The following SDK1 variants were observed in gnomAD, a reference collection of about 807,000 sequenced individuals.
The protein encoded by SDK1 is protein sidekick-1.
In SDK1, 157 loss-of-function variants were observed where a neutral mutation model predicts 245.5. The ratio of observed to expected loss-of-function variants is 0.64; its 90% CI spans 0.56 to 0.73. The LOEUF is 0.73. Among genes scored for constraint, SDK1 ranks in the 30% least tolerant of loss-of-function variants. The pLI, the probability that SDK1 is intolerant of heterozygous loss-of-function variation, is 0.00. For synonymous variants in SDK1, 1,647 were observed against 1,278.5 expected (o/e 1.29, Z -6.15); for missense variants, 3,583 against 3,002.3 (o/e 1.19, Z -4.52).
At chr7:3,346,469 C>T (rs1355201227) in intron 1 of SDK1, among the ~76,000 whole-genome samples, 1 of 152,068 alleles carries the variant, frequency 6.6e-6, no homozygotes, top group Non-Finnish European at 1.5e-5. Flanking sequence ...GTGTGCTGTG[C>T]TTTCTGGTGC....
intron 1 of SDK1, among the ~76,000 whole-genome samples, chr7:3,308,388 G>C (rs185086241): frequency 1.1e-3 from 170 of 152,226 alleles, no homozygotes; most frequent in African/African-American, 3.7e-3. Flanking sequence ...TGTTATGTTG[G>C]TTTAATTGTC....
intron 17 of SDK1, among the ~76,000 whole-genome samples, chr7:4,025,073 A>G (rs1456829201): frequency 6.6e-6 from 1 of 152,042 alleles, no homozygotes; most frequent in Non-Finnish European, 1.5e-5. Context: ...ATGGAACAAT[A>G]GTGACTCTCC....
intron 35 of SDK1, among the ~76,000 whole-genome samples, chr7:4,192,238 G>A (rs751113681): frequency 1.3e-5 from 2 of 152,166 alleles, no homozygotes; most frequent in African/African-American, 4.8e-5. Flanking sequence ...CTCACTTTGC[G>A]TCTCTGTGAC....
At chr7:4,261,788 C>CT (rs1788027868) in intron 44 of SDK1, among the ~76,000 whole-genome samples, 1 of 151,838 alleles carries the variant, frequency 6.6e-6, no homozygotes, top group Non-Finnish European at 1.5e-5. Context: ...CTGCCTGACC[C>CT]CTGTGAGAGA....
intron 4 of SDK1, among the ~76,000 whole-genome samples, chr7:3,677,930 C>T (rs1007157200): frequency 6.6e-6 from 1 of 152,100 alleles, no homozygotes; most frequent in Non-Finnish European, 1.5e-5. Flanking sequence ...TAAAGAACCC[C>T]TACAACTCAA....
At chr7:3,432,408 C>G (rs1340644344) in intron 1 of SDK1, among the ~76,000 whole-genome samples, 2 of 151,966 alleles carry the variant, frequency 1.3e-5, no homozygotes, top group South Asian at 4.2e-4. Context: ...TTGATTTGTA[C>G]TATGGCAATC....
At chr7:4,204,053 C>T (rs17134563) in intron 35 of SDK1, among the ~76,000 whole-genome samples, 49,427 of 152,120 alleles carry the variant, frequency 0.32, 8,789 homozygotes, top group African/African-American at 0.47. Context: ...CCAGAGCTGT[C>T]GTGGGCGCGC....
chr7:3,814,447 G>A (rs1226981734), intron 4 of SDK1, among the ~76,000 whole-genome samples: 2 of 151,436 alleles, frequency 1.3e-5, no homozygotes, highest in Non-Finnish European at 1.5e-5. Context: ...ATTTCTGAGG[G>A]CTCTGTTCTG....
intron 1 of SDK1, among the ~76,000 whole-genome samples, chr7:3,422,543 A>G (rs1246921427): frequency 2.0e-5 from 3 of 152,214 alleles, no homozygotes; most frequent in Admixed American, 1.3e-4. Flanking sequence ...CTGTAACCCT[A>G]GTAACTTGGG....
chr7:3,614,495 A>G (rs1781705816), intron 1 of SDK1, among the ~76,000 whole-genome samples: 2 of 152,144 alleles, frequency 1.3e-5, no homozygotes, highest in Admixed American at 1.3e-4. Flanking sequence ...CAACTCAATC[A>G]TTTTCTTTAT....
rs1194998480 is a variant in SDK1, at chr7:4,268,542, C to T, written c.*3158C>T. 5 of 1,271,134 alleles carry T rather than the reference C, an allele frequency of 3.9e-6. No homozygotes were observed. The highest frequency in any genetic ancestry group is 1.5e-5 in the African/African-American group (1 of 65,500). The allele number at this position is 1,271,134 out of a possible 1,614,324, so 78.7% of individuals were successfully genotyped here. A position where few individuals can be genotyped will look rare whatever the true frequency, so the allele number is the denominator to read the frequency against. On this transcript the variant is annotated 3_prime_UTR_variant, in exon 45 of 45. Transcript: ENST00000404826. ...TGGCCACACACGGAACGCGCCTCCA[C>T]AGCCCCGGGAGGTGGCTCACTCTGT...
Position 3,433,623 on chromosome 7 carries a change from C to G in SDK1, c.298+131739C>G, listed in dbSNP as rs530072880. On this transcript the variant is annotated intron_variant, in intron 1 of 44. Coordinates refer to ENST00000404826, the MANE Select transcript of SDK1 (RefSeq NM_152744.4). ...ATTGCTACATTAAAGACTGGCTGGC[C>G]AAGAAATGGTTAATCTTTGTATGGC... Among the ~76,000 whole-genome samples the G allele has an allele frequency of 5.3e-4, 81 of 152,234 alleles. 1 individual carries two copies. In the East Asian group the frequency reaches 0.015, roughly 28 times the overall value.
intron 1 of SDK1, among the ~76,000 whole-genome samples, chr7:3,569,333 G>A (rs889071812): frequency 3.3e-5 from 5 of 152,196 alleles, no homozygotes; most frequent in Non-Finnish European, 2.9e-5. Context: ...TGAGTGATCT[G>A]CTCTCTAGCA....
chr7:4,117,649 G>A (rs1395840863), intron 25 of SDK1, among the ~76,000 whole-genome samples: 3 of 152,144 alleles, frequency 2.0e-5, no homozygotes, highest in Non-Finnish European at 4.4e-5. Flanking sequence ...TTCAGGACCT[G>A]GGGTAAGGAG....
At chr7:3,786,539 A>C (rs1780905596) in intron 4 of SDK1, among the ~76,000 whole-genome samples, 1 of 152,230 alleles carries the variant, frequency 6.6e-6, no homozygotes. Flanking sequence ...CTCTCCATGT[A>C]CAAGAATACA....
chr7:3,643,393 A>T (rs1782714662), intron 4 of SDK1: 1 of 144,510 alleles, frequency 6.9e-6, no homozygotes, highest in Non-Finnish European at 1.5e-5. Flanking sequence ...GCATCTGTGG[A>T]ATCCCTTCCC....
intron 4 of SDK1, among the ~76,000 whole-genome samples, chr7:3,667,912 C>G (rs1298704898): frequency 1.3e-5 from 2 of 152,204 alleles, no homozygotes; most frequent in Non-Finnish European, 1.5e-5. Context: ...GAAACATTCA[C>G]AAATATGTTT....
At chr7:3,415,789 C>G (rs1170752614) in intron 1 of SDK1, among the ~76,000 whole-genome samples, 2 of 151,792 alleles carry the variant, frequency 1.3e-5, no homozygotes, top group African/African-American at 4.8e-5. Flanking sequence ...GGAGTAGGGA[C>G]TATGTTTTCT....
At position 3,357,328 on chromosome 7, in the gene SDK1, G is replaced by GTTTTTTTTTTTTTTTTTTTTTTT. The variant is rs560124026; in HGVS notation, c.298+55461_298+55483dup. ...TTACTCTTGCTCCCCTTCTTTTAGT[G>GTTTTTTTTTTTTTTTTTTTTTTT]TTTTTTTTTTTTTTTTTTTTTTTTT... is the stretch of plus-strand genomic sequence containing the variant. On this transcript the variant is annotated intron_variant, in intron 1 of 44. Transcript: ENST00000404826. Among the ~76,000 whole-genome samples the GTTTTTTTTTTTTTTTTTTTTTTT allele has an allele frequency of 9.4e-5, 5 of 52,946 alleles. 2 individuals are homozygous for GTTTTTTTTTTTTTTTTTTTTTTT. The highest frequency in any genetic ancestry group is 1.5e-4 in the African/African-American group (2 of 13,704). The allele number at this position is 52,946 out of a possible 152,430, so 34.7% of individuals were successfully genotyped here.
Sources: gnomAD v4.1 joint callset for allele counts (sites outside exome capture counted in the v4.1 genomes callset) on GRCh38, gnomAD v4.1.1 for gene constraint, MANE v1.5 for transcripts, NCBI Gene and HGNC (gene_info 2026-07-23, HGNC 2026-07-21) for gene names.